Variants in ARHGAP10 observed in about 807,000 individuals in gnomAD.
The protein encoded by ARHGAP10 is Rho GTPase activating protein 10.
ARHGAP10 carries 87 observed loss-of-function variants against 108.6 expected under a neutral mutation model. The ratio of observed to expected loss-of-function variants is 0.80; its 90% CI spans 0.67 to 0.96. The LOEUF is 0.96. Among genes scored for constraint, ARHGAP10 ranks in the 40% least tolerant of loss-of-function variants. ARHGAP10 has a pLI of 0.00. For missense variants in ARHGAP10, 939 were observed against 954.5 expected, an observed-to-expected ratio of 0.98 and a Z score of 0.21; for synonymous variants, 347 against 341.1, an observed-to-expected ratio of 1.02 and a Z score of -0.19.
At chr4:147,952,245 C>T (rs972812742) in intron 15 of ARHGAP10, among the ~76,000 whole-genome samples, 4 of 152,234 alleles carry the variant, frequency 2.6e-5, no homozygotes, top group South Asian at 2.1e-4. Context: ...TTTGAGTGGA[C>T]GCAGGCTTTC....
intron 14 of ARHGAP10, among the ~76,000 whole-genome samples, chr4:147,943,096 A>T (rs770261230): frequency 6.6e-6 from 1 of 152,248 alleles, no homozygotes; most frequent in Non-Finnish European, 1.5e-5. Context: ...ATCAATTACA[A>T]TAGTTCATGG....
At chr4:147,944,802 A>C (rs1738308249) in intron 14 of ARHGAP10, among the ~76,000 whole-genome samples, 1 of 152,138 alleles carries the variant, frequency 6.6e-6, no homozygotes, top group Non-Finnish European at 1.5e-5. Context: ...GTAGAAAACC[A>C]GGCAAATTGA....
Position 148,046,970 on chromosome 4 carries a change from C to T in ARHGAP10, c.1946C>T (p.Thr649Ile), listed in dbSNP as rs1728915032. 4 of 1,614,066 alleles carry T rather than the reference C, an allele frequency of 2.5e-6. No individual in the cohort carries two copies. Among genetic ancestry groups the T allele is most frequent in the Middle Eastern group, 1.6e-4 (1 of 6,084 alleles). The stretch of plus-strand genomic sequence containing the variant: ...CTTTCCTCCCCGTCTCCCGTGACTA[C>T]AGCTGTCCCTGGGCCTCCTGGACCA... ...DSLSSPSPVT[T>I]AVPGPPGPDK... The change falls in exon 20 of 23, where the codon ACA becomes ATA. Residue 649 changes from threonine to isoleucine, a missense_variant. By Grantham distance (89) the Thr-to-Ile change is moderately conservative (BLOSUM62 -1). Coordinates refer to ENST00000336498, the MANE Select transcript of ARHGAP10 (RefSeq NM_024605.4).
At chr4:147,808,422 C>A (rs1260722957) in intron 1 of ARHGAP10, among the ~76,000 whole-genome samples, 4 of 151,878 alleles carry the variant, frequency 2.6e-5, no homozygotes, top group African/African-American at 9.7e-5. Context: ...GAGGTCAGAT[C>A]ATGCAGGGTC....
In ARHGAP10 at chr4:148,043,039, C is replaced by T. The variant is rs745382792; in HGVS notation, c.1868-3853C>T. On this transcript the variant is annotated intron_variant, in intron 19 of 22. Transcript: ENST00000336498. ...TCTCTAAGGCTTCCCAAGACCAAGA[C>T]GTGGTCTGCACCCTGACAAAATGTA... Among the ~76,000 whole-genome samples, 4 of 152,222 alleles carry T rather than the reference C, an allele frequency of 2.6e-5. No individual in the cohort carries two copies. In the East Asian group the frequency reaches 7.7e-4, roughly 29 times the overall value.
chr4:147,764,501 C>G (rs1474457596), intron 1 of ARHGAP10, among the ~76,000 whole-genome samples: 1 of 151,786 alleles, frequency 6.6e-6, no homozygotes, highest in African/African-American at 2.4e-5. Flanking sequence ...AAAAAAACCT[C>G]CAAATCTGGA....
chr4:147,801,536 C>T (rs13144204), intron 1 of ARHGAP10, among the ~76,000 whole-genome samples: 2,626 of 152,260 alleles, frequency 0.017, 33 homozygotes, highest in Non-Finnish European at 0.028. Context: ...TTTTAGTATT[C>T]ATCATTTTTT....
At chr4:147,843,148 A>T (rs2126812640) in intron 3 of ARHGAP10, among the ~76,000 whole-genome samples, 1 of 152,262 alleles carries the variant, frequency 6.6e-6, no homozygotes, top group African/African-American at 2.4e-5. Context: ...GGAAGGAAGG[A>T]TTTTGACTCG....
In ARHGAP10 at chr4:148,063,203, A is replaced by T; in HGVS notation, c.2083A>T (p.Thr695Ser). The change falls in exon 21 of 23, where the codon ACA becomes TCA. Residue 695 changes from threonine (T) to serine (S), a missense_variant. By Grantham distance (58) the Thr-to-Ser change is moderately conservative. Transcript: ENST00000336498. ...GTGGCTTAACCCACAGTCTCCAACC[A>T]CAACAAGCTCCAACTCAGCTGTGAC... ...VQWLNPQSPT[T>S]TSSNSAVTPL... 6.2e-7 allele frequency: 1 copy of T among 1,614,142 alleles called. No individual in the cohort carries two copies. Among genetic ancestry groups the T allele is most frequent in the Non-Finnish European group, 8.5e-7 (1 of 1,180,026 alleles).
At chr4:147,995,202 T>C (rs1305482536) in intron 18 of ARHGAP10, among the ~76,000 whole-genome samples, 1 of 152,258 alleles carries the variant, frequency 6.6e-6, no homozygotes. Flanking sequence ...CATTCATTCC[T>C]CTAGGTCAGT....
chr4:147,771,232 G>A (rs1364811617), intron 1 of ARHGAP10, among the ~76,000 whole-genome samples: 1 of 152,142 alleles, frequency 6.6e-6, no homozygotes, highest in Admixed American at 6.6e-5. Context: ...ATTCTGGGGG[G>A]TAAGGAATTC....
At chr4:147,770,075 T>C (rs897866307) in intron 1 of ARHGAP10, among the ~76,000 whole-genome samples, 8 of 152,234 alleles carry the variant, frequency 5.3e-5, no homozygotes, top group Non-Finnish European at 1.0e-4. Flanking sequence ...TGTGTGTTCA[T>C]ACACCAGCCA....
At chr4:147,980,719 A>G (rs1313394603) in intron 18 of ARHGAP10, among the ~76,000 whole-genome samples, 1 of 151,926 alleles carries the variant, frequency 6.6e-6, no homozygotes, top group East Asian at 1.9e-4. Context: ...TCATTACTCC[A>G]TTATCGGTCT....
At chr4:148,021,685 A>G (rs539432976) in intron 18 of ARHGAP10, among the ~76,000 whole-genome samples, 109 of 152,274 alleles carry the variant, frequency 7.2e-4, no homozygotes, top group African/African-American at 2.4e-3. Flanking sequence ...ACCTTCTTAC[A>G]TCTGAACAAT....
At chr4:147,907,226 A>G (rs1457808937) in intron 11 of ARHGAP10, among the ~76,000 whole-genome samples, 1 of 152,190 alleles carries the variant, frequency 6.6e-6, no homozygotes, top group Non-Finnish European at 1.5e-5. Context: ...TTTGAGGAAT[A>G]AATTGAAGGT....
At chr4:148,071,198 G>A (rs1041452618) in intron 22 of ARHGAP10, among the ~76,000 whole-genome samples, 34 of 152,278 alleles carry the variant, frequency 2.2e-4, no homozygotes, top group Non-Finnish European at 1.5e-5. Flanking sequence ...TGGAGTTGCA[G>A]TTGGGATTTC....
intron 3 of ARHGAP10, among the ~76,000 whole-genome samples, chr4:147,839,130 A>ATCTGTCTGTCTGTCTGTCTG (rs1421305286): frequency 1.4e-5 from 2 of 147,982 alleles, no homozygotes; most frequent in African/African-American, 5.1e-5. Context: ...CTATCTATCT[A>ATCTGTCTGTCTGTCTGTCTG]TCTATCTATC....
intron 7 of ARHGAP10, among the ~76,000 whole-genome samples, chr4:147,873,799 C>T (rs1376433825): frequency 1.4e-5 from 2 of 147,036 alleles, no homozygotes; most frequent in African/African-American, 2.5e-5. Flanking sequence ...GACTTGAGTT[C>T]AGGAGGTTGA....
At chr4:147,995,986 G>C (rs942854020) in intron 18 of ARHGAP10, among the ~76,000 whole-genome samples, 5 of 152,160 alleles carry the variant, frequency 3.3e-5, no homozygotes, top group African/African-American at 1.2e-4. Flanking sequence ...CAAAGTGCTG[G>C]GATTACAGGC....
Sources: gnomAD v4.1 joint callset for allele counts (sites outside exome capture counted in the v4.1 genomes callset) on GRCh38, gnomAD v4.1.1 for gene constraint, MANE v1.5 for transcripts, NCBI Gene and HGNC (gene_info 2026-07-23, HGNC 2026-07-21) for gene names.